CCDC171: variants seen among roughly 807,000 people sequenced by gnomAD.
CCDC171 encodes the protein coiled-coil domain-containing protein 171.
A neutral mutation model predicts 168.2 loss-of-function variants in CCDC171; 177 were observed. That is an observed-to-expected ratio of 1.05 (90% CI 0.93 to 1.19). The LOEUF (loss-of-function observed/expected upper bound fraction) is 1.19. Ranked by LOEUF, CCDC171 falls within the 50% of genes most tolerant of loss-of-function variation. CCDC171 has a pLI of 0.00. For synonymous variants in CCDC171, 687 were observed against 540.8 expected, an observed-to-expected ratio of 1.27 and a Z score of -3.75; for missense variants, 1,991 against 1,539.0, an observed-to-expected ratio of 1.29 and a Z score of -4.91.
At position 15,899,134 on chromosome 9, in the gene CCDC171, C is replaced by G. The variant is rs138160523; in HGVS notation, c.3601-21136C>G. 5.3e-3 allele frequency among the ~76,000 whole-genome samples: 804 copies of G among 152,264 alleles called. 11 individuals carry two copies. The highest frequency in any genetic ancestry group is 0.019 in the African/African-American group (775 of 41,576). ...CTCTTGAGATCCATCCAAGTTTTTG[C>G]ATATATCAATAGTTTATTCCTTTAT... is the stretch of plus-strand genomic sequence containing the variant. On this transcript the variant is annotated intron_variant, in intron 24 of 25. Coordinates refer to ENST00000380701, the MANE Select transcript of CCDC171 (RefSeq NM_173550.4).
At chr9:15,936,548 C>G (rs1394593913) in intron 25 of CCDC171, among the ~76,000 whole-genome samples, 1 of 151,926 alleles carries the variant, frequency 6.6e-6, no homozygotes, top group African/African-American at 2.4e-5. Flanking sequence ...GGGTGGGATG[C>G]AAGGCTGGTC....
At chr9:15,913,462 A>T (rs1338327336) in intron 24 of CCDC171, among the ~76,000 whole-genome samples, 2 of 151,858 alleles carry the variant, frequency 1.3e-5, no homozygotes, top group African/African-American at 4.8e-5. Flanking sequence ...TATTTTGTTA[A>T]TCTTTACAAA....
intron 3 of CCDC171, among the ~76,000 whole-genome samples, chr9:15,984,704 A>G (rs1375349420): frequency 1.3e-5 from 2 of 152,178 alleles, no homozygotes; most frequent in Admixed American, 6.5e-5. Context: ...TCAACATTAC[A>G]AAGTTCTCAT....
At chr9:16,100,771 T>C in the CCDC171 span, among the ~76,000 whole-genome samples, 8 of 152,118 alleles carry the variant, frequency 5.3e-5, no homozygotes, top group African/African-American at 1.9e-4. Context: ...CAGGGGAGTT[T>C]TCTGTAGCCC....
At chr9:16,070,253 G>A in the CCDC171 span, among the ~76,000 whole-genome samples, 2 of 152,296 alleles carry the variant, frequency 1.3e-5, no homozygotes, top group Admixed American at 6.5e-5. Flanking sequence ...ACCCCCGGCC[G>A]GACTGGAATT....
chr9:16,063,530 A>G (rs1833958778), downstream of CCDC171, among the ~76,000 whole-genome samples: 1 of 152,186 alleles, frequency 6.6e-6, no homozygotes, highest in South Asian at 2.1e-4. Context: ...GTTTTAGTAT[A>G]TTTCATTTGC....
chr9:15,711,938 C>A (rs572284006), intron 11 of CCDC171, among the ~76,000 whole-genome samples: 9 of 152,142 alleles, frequency 5.9e-5, no homozygotes, highest in African/African-American at 2.2e-4. Flanking sequence ...CCATCTCTGG[C>A]GAGGTGGTCC....
chr9:15,575,715 C>G (rs2040596371), intron 3 of CCDC171, among the ~76,000 whole-genome samples: 1 of 152,164 alleles, frequency 6.6e-6, no homozygotes, highest in Non-Finnish European at 1.5e-5. Flanking sequence ...CCAGCCAGTC[C>G]TCCTTTTAAC....
intron 3 of CCDC171, among the ~76,000 whole-genome samples, chr9:16,007,869 G>T (rs563235363): frequency 2.0e-5 from 3 of 152,242 alleles, no homozygotes; most frequent in Admixed American, 1.3e-4. Flanking sequence ...GTAGCGTGAT[G>T]CCTCCAGCTT....
chr9:15,570,167 C>T (rs2040107264), intron 2 of CCDC171, among the ~76,000 whole-genome samples: 1 of 152,026 alleles, frequency 6.6e-6, no homozygotes, highest in South Asian at 2.1e-4. Flanking sequence ...GGCAGGATTT[C>T]ACTATGTTGG....
chr9:15,969,362 T>G (rs575327577), intron 25 of CCDC171, among the ~76,000 whole-genome samples: 1 of 152,276 alleles, frequency 6.6e-6, no homozygotes, highest in South Asian at 2.1e-4. Flanking sequence ...CTTTGTAATG[T>G]GTTAGGTTGA....
At position 15,802,003 on chromosome 9, in the gene CCDC171, T is replaced by C. The variant is rs549249132; in HGVS notation, c.3267+17309T>C. 3.9e-5 allele frequency among the ~76,000 whole-genome samples: 6 copies of C among 152,208 alleles called. No individual in the cohort carries two copies. In the South Asian group the frequency reaches 1.2e-3, roughly 32 times the overall value. ...ATGTTGAATGATCTTTTTAATGGAT[T>C]ATTGAATTTGGTTTGCTAATATTCT... On this transcript the variant is annotated intron_variant, in intron 21 of 25. Transcript: ENST00000380701.
At chr9:15,685,783 TTAA>T (rs1445799216) in intron 10 of CCDC171, among the ~76,000 whole-genome samples, 1 of 152,176 alleles carries the variant, frequency 6.6e-6, no homozygotes, top group Non-Finnish European at 1.5e-5. Context: ...GTAAAACAAG[TTAA>T]TAATGTAATT....
intron 2 of CCDC171, among the ~76,000 whole-genome samples, chr9:15,569,184 G>T (rs959468184): frequency 3.9e-5 from 6 of 152,074 alleles, no homozygotes; most frequent in Non-Finnish European, 8.8e-5. Context: ...TTCGGAATCC[G>T]CCTATTTCCA....
At chr9:15,919,377 A>G (rs1320475615) in intron 24 of CCDC171, among the ~76,000 whole-genome samples, 1 of 151,704 alleles carries the variant, frequency 6.6e-6, no homozygotes, top group Non-Finnish European at 1.5e-5. Context: ...TTCCTAATTT[A>G]CAACCTTAAG....
At chr9:16,010,550 C>T (rs1454199665) in intron 3 of CCDC171, among the ~76,000 whole-genome samples, 1 of 152,090 alleles carries the variant, frequency 6.6e-6, no homozygotes, top group Non-Finnish European at 1.5e-5. Flanking sequence ...AGACCCCTAA[C>T]ACAGAAGCTT....
chr9:16,076,291 C>T, the CCDC171 span, among the ~76,000 whole-genome samples: 1 of 152,198 alleles, frequency 6.6e-6, no homozygotes, highest in Admixed American at 6.5e-5. Flanking sequence ...AGAGCTTTCC[C>T]TCAACCTGTA....
intron 6 of CCDC171, among the ~76,000 whole-genome samples, chr9:15,603,076 G>A (rs1415903647): frequency 1.3e-5 from 2 of 152,038 alleles, no homozygotes. Flanking sequence ...CCACCTCCTG[G>A]GTTCATGCTA....
chr9:15,873,385 C>G (rs1163826489), intron 23 of CCDC171, among the ~76,000 whole-genome samples: 1 of 151,938 alleles, frequency 6.6e-6, no homozygotes, highest in Admixed American at 6.6e-5. Flanking sequence ...TTGGATAAAA[C>G]TAGAGATAGA....
Sources: gnomAD v4.1 joint callset for allele counts (sites outside exome capture counted in the v4.1 genomes callset) on GRCh38, gnomAD v4.1.1 for gene constraint, MANE v1.5 for transcripts, NCBI Gene and HGNC (gene_info 2026-07-23, HGNC 2026-07-21) for gene names.